The following GALNT15 variants were observed in gnomAD, a reference collection of about 807,000 sequenced individuals.
GALNT15 encodes the protein UDP-GalNAc transferase T15.
Under a neutral mutation model 66.8 loss-of-function variants are expected in GALNT15, and 67 were observed. That is an observed-to-expected ratio of 1.00 (90% CI 0.82 to 1.23). The LOEUF (loss-of-function observed/expected upper bound fraction) is 1.23, where lower values mean the gene tolerates loss of function less well. Ranked by LOEUF, GALNT15 falls within the 50% of genes most tolerant of loss-of-function variation. The pLI, the probability that GALNT15 is intolerant of heterozygous loss-of-function variation, is 0.00. For missense variants in GALNT15, 827 were observed against 804.3 expected (o/e 1.03, Z -0.34); for synonymous variants, 313 against 311.5 (o/e 1.00, Z -0.05).
rs2063390024 is a variant in GALNT15, at chr3:16,175,119, C to T, written c.-33C>T. ...TGGAGCGGGAGAAAGCTAACTTGAA[C>T]ATGACCTGTTGCATTTGGCAAGTTC... On this transcript the variant is annotated 5_prime_UTR_variant, in exon 1 of 10. Coordinates refer to ENST00000339732, the MANE Select transcript of GALNT15 (RefSeq NM_054110.5). This position sits in a 1 kb window ranked among gnomAD's most constrained non-coding sequence, Gnocchi z 5.6. 3 of 1,583,534 alleles carry T rather than the reference C, an allele frequency of 1.9e-6. No individual in the cohort carries two copies. Among genetic ancestry groups the T allele is most frequent in the Non-Finnish European group, 2.6e-6 (3 of 1,159,714 alleles).
intron 1 of GALNT15, among the ~76,000 whole-genome samples, chr3:16,185,234 A>G (rs2063505566): frequency 6.6e-6 from 1 of 152,238 alleles, no homozygotes; most frequent in Admixed American, 6.5e-5. Context: ...GAGCCTCCTC[A>G]ATGAATAAAT....
intron 8 of GALNT15, 175 bp downstream of exon 8, chr3:16,220,189 C>T: frequency 1.6e-6 from 1 of 614,260 alleles, no homozygotes; most frequent in Non-Finnish European, 2.9e-6. Flanking sequence ...CTCACCTCAC[C>T]TCCATCTGTA....
rs1414615098 is a variant in GALNT15, at chr3:16,187,998, AG to A, written c.540-7759del. 6.6e-6 allele frequency among the ~76,000 whole-genome samples: 1 copy of A among 152,218 alleles called. No homozygotes were observed. The highest frequency in any genetic ancestry group is 6.5e-5 in the Admixed American group (1 of 15,286). Reference sequence around the variant, plus strand: ...TCCCTCAGTGTCAGATGTGGGAACAAGGGCCAGAGGAGAGAAGGGAGAGACT... The same window carrying A: ...TCCCTCAGTGTCAGATGTGGGAACAAGGCCAGAGGAGAGAAGGGAGAGACT... On this transcript the variant is annotated intron_variant, in intron 1 of 9. Coordinates refer to ENST00000339732, the MANE Select transcript of GALNT15 (RefSeq NM_054110.5). The surrounding 1 kb of genome is among the most constrained non-coding windows in gnomAD (Gnocchi z 5.1).
intron 2 of GALNT15, among the ~76,000 whole-genome samples, chr3:16,196,367 TAGAC>T (rs1342213845): frequency 6.6e-6 from 1 of 152,100 alleles, no homozygotes; most frequent in Non-Finnish European, 1.5e-5. Flanking sequence ...CATCATGGCT[TAGAC>T]AGACCCACTC....
Position 16,175,668 on chromosome 3 carries a change from C to T in GALNT15, c.517C>T (p.Leu173=). The T allele has an allele frequency of 2.5e-6, 4 of 1,601,654 alleles. No individual in the cohort carries two copies. Among genetic ancestry groups the T allele is most frequent in the Non-Finnish European group, 3.4e-6 (4 of 1,173,164 alleles). The change falls in exon 1 of 10, where the codon CTG becomes TTG. Residue 173 remains leucine (L), a synonymous_variant. Coordinates refer to ENST00000339732, the MANE Select transcript of GALNT15 (RefSeq NM_054110.5). This position sits in a 1 kb window ranked among gnomAD's most constrained non-coding sequence, Gnocchi z 5.6. ...LSARIPLQRA[L]PEVRHPLCLQ... The stretch of plus-strand genomic sequence containing the variant: ...TGCCCGCATCCCCCTCCAGAGGGCT[C>T]TGCCCGAGGTGCGGCACCCACTGTA...
chr3:16,175,740 T>A lies in GALNT15; in HGVS notation c.539+50T>A, dbSNP rs1289891645. ...TCCCTGATCCCAGGGCATGATCGGG[T>A]GGTAGCAAACTCGGGAATGCAAACT... On this transcript the variant is annotated intron_variant, in intron 1 of 9. Coordinates refer to ENST00000339732, the MANE Select transcript of GALNT15 (RefSeq NM_054110.5). This position sits in a 1 kb window ranked among gnomAD's most constrained non-coding sequence, Gnocchi z 5.6. 2.7e-6 allele frequency: 4 copies of A among 1,490,464 alleles called. No individual in the cohort carries two copies. The African/African-American group carries it at 4.2e-5, about 16-fold the overall frequency. The allele number at this position is 1,490,464 out of a possible 1,614,324, so 92.3% of individuals were successfully genotyped here.
the GALNT15 span, among the ~76,000 whole-genome samples, chr3:16,243,441 G>C: frequency 6.6e-6 from 1 of 152,216 alleles, no homozygotes; most frequent in East Asian, 1.9e-4. Context: ...TGCAGTGGGC[G>C]CCCAGGGAGC....
chr3:16,246,019 C>G, the GALNT15 span, among the ~76,000 whole-genome samples: 1 of 152,168 alleles, frequency 6.6e-6, no homozygotes, highest in Non-Finnish European at 1.5e-5. Flanking sequence ...TGGGGTATGA[C>G]TGTGAATGAA....
At chr3:16,239,564 A>G in the GALNT15 span, among the ~76,000 whole-genome samples, 1 of 152,208 alleles carries the variant, frequency 6.6e-6, no homozygotes, top group African/African-American at 2.4e-5. The surrounding 1 kb of genome is among the most constrained non-coding windows in gnomAD (Gnocchi z 5.2). Flanking sequence ...AGTTTGGGAT[A>G]TGAGGAAAGT....
Position 16,177,927 on chromosome 3 carries a change from TGTG to T in GALNT15, c.539+2241_539+2243del, listed in dbSNP as rs1489470096. Among the ~76,000 whole-genome samples the T allele has an allele frequency of 4.6e-5, 7 of 152,292 alleles. No individual in the cohort carries two copies. In the South Asian group the frequency reaches 8.3e-4, roughly 18 times the overall value. ...ATGTGGCACAAGTGCAGGTAAATTTTGTGGTGTGTGTGCTGTGCACGTATTTGT... is the reference window on the plus strand; with the variant it reads ...ATGTGGCACAAGTGCAGGTAAATTTTGTGTGTGTGCTGTGCACGTATTTGT... On this transcript the variant is annotated intron_variant, in intron 1 of 9. Transcript: ENST00000339732.
At chr3:16,206,295 A>T (rs1230345689) in intron 3 of GALNT15, among the ~76,000 whole-genome samples, 3 of 151,830 alleles carry the variant, frequency 2.0e-5, no homozygotes, top group Non-Finnish European at 4.4e-5. Context: ...AGGCTGAAGA[A>T]TCCTTGGGCC....
At position 16,228,311 on chromosome 3, in the gene GALNT15, A is replaced by AT; in HGVS notation, c.*814dup. 4.1e-6 allele frequency: 4 copies of AT among 985,842 alleles called. No individual in the cohort carries two copies. Among genetic ancestry groups the AT allele is most frequent in the Non-Finnish European group, 4.8e-6 (4 of 829,962 alleles). The allele number at this position is 985,842 out of a possible 1,614,324, so 61.1% of individuals were successfully genotyped here. ...CGTTGGTGTTAGAAGTACCAGCACA[A>AT]TTTGAGCATTCCCATTAACAAAGGT... On this transcript the variant is annotated 3_prime_UTR_variant, in exon 10 of 10. Transcript: ENST00000339732.
chr3:16,212,429 C>G, intron 5 of GALNT15, 140 bp from the exon 6 acceptor site: 1 of 775,484 alleles, frequency 1.3e-6, no homozygotes, highest in Non-Finnish European at 2.1e-6. Flanking sequence ...CTACGCCACC[C>G]TGAGGACCAT....
At chr3:16,190,510 C>A (rs1395413184) in intron 1 of GALNT15, among the ~76,000 whole-genome samples, 1 of 151,946 alleles carries the variant, frequency 6.6e-6, no homozygotes, top group Non-Finnish European at 1.5e-5. Flanking sequence ...TGGTGGCGGG[C>A]GCCTGTAGTC....
Position 16,195,659 on chromosome 3 carries a change from T to G in GALNT15, c.540-101T>G. The G allele has an allele frequency of 2.9e-6, 3 of 1,022,086 alleles. No homozygotes were observed. The highest frequency in any genetic ancestry group is 4.3e-6 in the Non-Finnish European group (3 of 700,744). 63.3% of individuals were successfully genotyped at this position (1,022,086 alleles called of 1,614,324 possible). A position where few individuals can be genotyped will look rare whatever the true frequency, so the allele number is the denominator to read the frequency against. On this transcript the variant is annotated intron_variant, in intron 1 of 9. Coordinates refer to ENST00000339732, the MANE Select transcript of GALNT15 (RefSeq NM_054110.5). The surrounding 1 kb of genome is among the most constrained non-coding windows in gnomAD (Gnocchi z 4.6). ...GAGATCCCATAGGACAGCCATATAA[T>G]GGGGGCAGCTCCAGCCAGAGCAAAG...
chr3:16,219,684 C>A lies in GALNT15; in HGVS notation c.1524+150C>A. 1 of 1,188,090 alleles carries A rather than the reference C, an allele frequency of 8.4e-7. No homozygotes were observed. Among genetic ancestry groups the A allele is most frequent in the Non-Finnish European group, 1.2e-6 (1 of 836,118 alleles). The allele number at this position is 1,188,090 out of a possible 1,614,324, so 73.6% of individuals were successfully genotyped here. On this transcript the variant is annotated intron_variant, in intron 7 of 9. Transcript: ENST00000339732. The surrounding 1 kb of genome is among the most constrained non-coding windows in gnomAD (Gnocchi z 4.3). ...GTCCATCCCGTGCCTCCATGCCAGT[C>A]TGAGGAAGGTGGCTGAGTTTTGCCC...
At chr3:16,222,531 C>G (rs2063953907) in intron 8 of GALNT15, 84 bp from the exon 9 acceptor site, 4 of 1,541,628 alleles carry the variant, frequency 2.6e-6, no homozygotes, top group South Asian at 1.2e-5. Flanking sequence ...GACCTCAGCT[C>G]TATAGTGGGT....
In GALNT15 at chr3:16,211,051, G is replaced by T. The variant is rs41284043; in HGVS notation, c.1080-73G>T. On this transcript the variant is annotated intron_variant, in intron 4 of 9. Transcript: ENST00000339732. The surrounding 1 kb of genome is among the most constrained non-coding windows in gnomAD (Gnocchi z 4.3). The stretch of plus-strand genomic sequence containing the variant: ...AGCCACTGGAGCTCCCACCTGGGAA[G>T]CCCCAGCCCCCAGCCTCGCCTGCTG... 8.9e-5 allele frequency: 98 copies of T among 1,102,060 alleles called. No individual in the cohort carries two copies. The highest frequency in any genetic ancestry group is 1.2e-4 in the Non-Finnish European group (89 of 724,128). The allele number at this position is 1,102,060 out of a possible 1,614,324, so 68.3% of individuals were successfully genotyped here. A position where few individuals can be genotyped will look rare whatever the true frequency, so the allele number is the denominator to read the frequency against.
At position 16,193,543 on chromosome 3, in the gene GALNT15, T is replaced by TA. The variant is rs1260225931; in HGVS notation, c.540-2216dup. 1.3e-5 allele frequency among the ~76,000 whole-genome samples: 2 copies of TA among 152,194 alleles called. No individual in the cohort carries two copies. Among genetic ancestry groups the TA allele is most frequent in the African/African-American group, 4.8e-5 (2 of 41,466 alleles). ...ATTATTTAGGAATTCTGCTTACCAT[T>TA]ACCTAGACTCAATTCTCCCTCTCTA... On this transcript the variant is annotated intron_variant, in intron 1 of 9. Transcript: ENST00000339732. This position sits in a 1 kb window ranked among gnomAD's most constrained non-coding sequence, Gnocchi z 4.7.
Sources: gnomAD v4.1 joint callset for allele counts (sites outside exome capture counted in the v4.1 genomes callset) on GRCh38, gnomAD v4.1.1 for gene constraint, Gnocchi (gnomAD v3.1) non-coding constraint, MANE v1.5 for transcripts, NCBI Gene and HGNC (gene_info 2026-07-23, HGNC 2026-07-21) for gene names.